FKBP5: variants seen among roughly 807,000 people sequenced by gnomAD.
FKBP5 encodes the protein FKBP prolyl isomerase 5, also known as peptidyl-prolyl cis-trans isomerase FKBP5.
A neutral mutation model predicts 50.5 loss-of-function variants in FKBP5; 23 were observed. That is an observed-to-expected ratio of 0.46 (90% CI 0.33 to 0.65). FKBP5 has a LOEUF of 0.65. FKBP5 is among the 30% of genes least tolerant of loss of function. FKBP5 has a pLI of 0.02. For synonymous variants in FKBP5, 176 were observed against 190.6 expected (o/e 0.92, Z 0.63); for missense variants, 411 against 553.1 (o/e 0.74, Z 2.58).
At chr6:35,613,154 G>A (rs1045959743) in intron 5 of FKBP5, among the ~76,000 whole-genome samples, 1 of 152,216 alleles carries the variant, frequency 6.6e-6, no homozygotes, top group Non-Finnish European at 1.5e-5. Flanking sequence ...TGTAATGGGT[G>A]ATCAGTGTCT....
At chr6:35,650,308 A>C (rs1764762711) in intron 1 of FKBP5, among the ~76,000 whole-genome samples, 1 of 151,924 alleles carries the variant, frequency 6.6e-6, no homozygotes, top group Non-Finnish European at 1.5e-5. Context: ...CCAAAAAAAA[A>C]AAAAAAAAGG....
At chr6:35,701,105 T>C (rs1766174021) in intron 2 of FKBP5, among the ~76,000 whole-genome samples, 1 of 152,158 alleles carries the variant, frequency 6.6e-6, no homozygotes, top group Admixed American at 6.6e-5. Flanking sequence ...GAAAAAAGTA[T>C]TCAGTGTTTA....
Position 35,595,273 on chromosome 6 carries a change from C to T in FKBP5, c.665+1975G>A, listed in dbSNP as rs533919874. 8.9e-4 allele frequency among the ~76,000 whole-genome samples: 136 copies of T among 152,312 alleles called. 1 individual carries two copies. The highest frequency in any genetic ancestry group is 3.2e-3 in the African/African-American group (131 of 41,558). ...TCACTAAACTTGAGACATCTGTCCC[C>T]ACAATTGCCTTGTCAGCCAGGCTAA... On this transcript the variant is annotated intron_variant, in intron 6 of 10. Coordinates refer to ENST00000357266, the MANE Select transcript of FKBP5 (RefSeq NM_004117.4).
intron 2 of FKBP5, among the ~76,000 whole-genome samples, chr6:35,641,780 G>A (rs1313546767): frequency 1.3e-5 from 2 of 151,982 alleles, no homozygotes; most frequent in South Asian, 2.1e-4. Context: ...CAAGGCAGGC[G>A]GATCACCTGA....
intron 1 of FKBP5, among the ~76,000 whole-genome samples, chr6:35,681,481 T>A (rs959576200): frequency 1.3e-5 from 2 of 152,172 alleles, no homozygotes; most frequent in African/African-American, 2.4e-5. Context: ...CACCATACCT[T>A]AGTTTTGCCT....
At chr6:35,658,386 A>C (rs1765017575) in intron 1 of FKBP5, among the ~76,000 whole-genome samples, 1 of 151,958 alleles carries the variant, frequency 6.6e-6, no homozygotes, top group Non-Finnish European at 1.5e-5. Flanking sequence ...TCCGTCAAAA[A>C]AAAAAAAAAA....
intron 5 of FKBP5, among the ~76,000 whole-genome samples, chr6:35,614,284 G>A (rs1246383974): frequency 1.3e-5 from 2 of 152,148 alleles, no homozygotes; most frequent in Non-Finnish European, 2.9e-5. Context: ...TATAACTAAT[G>A]AGACTGGAAT....
At chr6:35,649,183 A>G (rs1444308109) in intron 1 of FKBP5, among the ~76,000 whole-genome samples, 1 of 149,382 alleles carries the variant, frequency 6.7e-6, no homozygotes, top group Non-Finnish European at 1.5e-5. Flanking sequence ...CCCGGGAGGC[A>G]GAGCTTGCAG....
rs550878351 is a variant in FKBP5, at chr6:35,666,394, T to TAAAAAAAAAA, written c.-20+22400_-20+22409dup. 8.7e-3 allele frequency among the ~76,000 whole-genome samples: 288 copies of TAAAAAAAAAA among 33,244 alleles called. 50 individuals carry two copies. Among genetic ancestry groups the TAAAAAAAAAA allele is most frequent in the African/African-American group, 0.031 (269 of 8,726 alleles). 21.8% of individuals were successfully genotyped at this position (33,244 alleles called of 152,430 possible). ...CATGCAGAAACACTACTATTATAGT[T>TAAAAAAAAAA]AAAAAAAAAAAAAAAAAAAAAAAAA... On this transcript the variant is annotated intron_variant, in intron 1 of 10. Coordinates refer to ENST00000357266, the MANE Select transcript of FKBP5 (RefSeq NM_004117.4).
intron 2 of FKBP5, among the ~76,000 whole-genome samples, chr6:35,700,481 A>G (rs906947250): frequency 1.3e-5 from 2 of 152,226 alleles, no homozygotes; most frequent in Admixed American, 6.5e-5. Flanking sequence ...GTCTATCACA[A>G]GAGTGATTTG....
Position 35,585,929 on chromosome 6 carries a change from T to TA in FKBP5, c.840+1104_840+1105insT, listed in dbSNP as rs1762585249. 6 of 984,534 alleles carry TA rather than the reference T, an allele frequency of 6.1e-6. No individual in the cohort carries two copies. In the South Asian group the frequency reaches 2.8e-4, roughly 46 times the overall value. The allele number at this position is 984,534 out of a possible 1,614,324, so 61.0% of individuals were successfully genotyped here. The stretch of plus-strand genomic sequence containing the variant: ...TCTAGTTGTTTCATTTGGATTAACA[T>TA]TGCCACTCCTCCCTCCTGACAAGGT... On this transcript the variant is annotated intron_variant, in intron 8 of 10. Transcript: ENST00000357266.
chr6:35,671,919 A>C (rs1023693538), intron 1 of FKBP5, among the ~76,000 whole-genome samples: 1 of 151,740 alleles, frequency 6.6e-6, no homozygotes, highest in East Asian at 1.9e-4. Flanking sequence ...TCTAGGCTGG[A>C]GTGCAGTGGC....
intron 8 of FKBP5, chr6:35,581,246 T>C (rs1353307260): frequency 1.5e-6 from 1 of 663,082 alleles, no homozygotes; most frequent in African/African-American, 2.0e-5. Flanking sequence ...GTCAGTTATA[T>C]ATAATATATA....
intron 5 of FKBP5, among the ~76,000 whole-genome samples, chr6:35,617,225 C>A (rs1283691586): frequency 1.3e-5 from 2 of 152,096 alleles, no homozygotes; most frequent in Non-Finnish European, 2.9e-5. Flanking sequence ...AACTGATTTG[C>A]CAGACTCGTA....
chr6:35,702,813 A>G (rs1766214407), intron 2 of FKBP5, among the ~76,000 whole-genome samples: 1 of 152,170 alleles, frequency 6.6e-6, no homozygotes, highest in African/African-American at 2.4e-5. Flanking sequence ...ATCCTGACCT[A>G]CATGCAAAAC....
intron 7 of FKBP5, among the ~76,000 whole-genome samples, chr6:35,588,639 C>T (rs958550418): frequency 4.6e-5 from 7 of 151,316 alleles, no homozygotes; most frequent in Non-Finnish European, 1.0e-4. Context: ...CTTGCTCTGT[C>T]GTCCAGGCTG....
At chr6:35,684,087 C>T (rs1765756083) in intron 1 of FKBP5, among the ~76,000 whole-genome samples, 1 of 152,128 alleles carries the variant, frequency 6.6e-6, no homozygotes, top group Admixed American at 6.6e-5. Context: ...AGAATTTGGA[C>T]ATTCCTTAGC....
chr6:35,605,660 A>C (rs1281278966), intron 5 of FKBP5, among the ~76,000 whole-genome samples: 1 of 151,978 alleles, frequency 6.6e-6, no homozygotes. Flanking sequence ...GGCCTTCCAA[A>C]GTCTTGGGAT....
intron 5 of FKBP5, among the ~76,000 whole-genome samples, chr6:35,602,931 C>T (rs767926332): frequency 1.3e-5 from 2 of 152,188 alleles, no homozygotes; most frequent in African/African-American, 2.4e-5. Context: ...TGAACACCAA[C>T]CCTTACCAGT....
Sources: gnomAD v4.1 joint callset for allele counts (sites outside exome capture counted in the v4.1 genomes callset) on GRCh38, gnomAD v4.1.1 for gene constraint, MANE v1.5 for transcripts, NCBI Gene and HGNC (gene_info 2026-07-23, HGNC 2026-07-21) for gene names.